The following ARK2N variants were observed in gnomAD, a reference collection of about 807,000 sequenced individuals.
ARK2N encodes the protein protein ARK2N.
At chr18:46,257,139 T>C in the ARK2N span, among the ~76,000 whole-genome samples, 1 of 152,220 alleles carries the variant, frequency 6.6e-6, no homozygotes, top group Non-Finnish European at 1.5e-5. Context: ...CCTGTTCTTA[T>C]TTTTTCTTTT....
At chr18:46,214,328 T>C in the ARK2N span, among the ~76,000 whole-genome samples, 2 of 152,170 alleles carry the variant, frequency 1.3e-5, no homozygotes, top group African/African-American at 4.8e-5. Context: ...CTGTGACCTA[T>C]GGACATGATA....
the ARK2N span, among the ~76,000 whole-genome samples, chr18:46,236,709 C>G: frequency 6.6e-6 from 1 of 152,152 alleles, no homozygotes; most frequent in Non-Finnish European, 1.5e-5. Flanking sequence ...AAAACAGTCT[C>G]TTTGTAGCAA....
the ARK2N span, chr18:46,174,168 C>T: frequency 6.6e-6 from 1 of 152,452 alleles, no homozygotes; most frequent in African/African-American, 2.4e-5. Flanking sequence ...GACCGCGACC[C>T]ACTGCTCGCT....
At chr18:46,246,268 A>G in the ARK2N span, among the ~76,000 whole-genome samples, 1 of 152,186 alleles carries the variant, frequency 6.6e-6, no homozygotes, top group Admixed American at 6.5e-5. Flanking sequence ...GGCAGAGCAG[A>G]AAAGGCCCAA....
the ARK2N span, among the ~76,000 whole-genome samples, chr18:46,223,736 A>C: frequency 6.6e-6 from 1 of 151,892 alleles, no homozygotes; most frequent in East Asian, 1.9e-4. Flanking sequence ...CTGAGCACCC[A>C]GTCCATTGGC....
the ARK2N span, among the ~76,000 whole-genome samples, chr18:46,206,627 G>A: frequency 2.0e-5 from 3 of 152,118 alleles, no homozygotes; most frequent in Admixed American, 6.6e-5. Context: ...TCACTCAGCT[G>A]AGTTGTTGGG....
the ARK2N span, chr18:46,240,310 T>A: frequency 9.6e-7 from 1 of 1,039,510 alleles, no homozygotes; most frequent in Non-Finnish European, 1.4e-6. Context: ...ATTGAATGAT[T>A]GGTTGTGACT....
At chr18:46,196,795 A>G in the ARK2N span, among the ~76,000 whole-genome samples, 2 of 152,164 alleles carry the variant, frequency 1.3e-5, no homozygotes, top group Non-Finnish European at 2.9e-5. Flanking sequence ...TGTAGACCTG[A>G]TGGGCTGGAG....
chr18:46,208,779 C>T, the ARK2N span, among the ~76,000 whole-genome samples: 1 of 152,020 alleles, frequency 6.6e-6, no homozygotes, highest in African/African-American at 2.4e-5. Flanking sequence ...GTTCTTAAAT[C>T]TTTTATGTGT....
At chr18:46,264,014 G>A in the ARK2N span, 24 of 152,380 alleles carry the variant, frequency 1.6e-4, no homozygotes, top group East Asian at 7.7e-4. Flanking sequence ...TTGCAAATCC[G>A]AGAGGAAAGT....
chr18:46,243,274 TAGTC>T, the ARK2N span, among the ~76,000 whole-genome samples: 1 of 152,220 alleles, frequency 6.6e-6, no homozygotes, highest in African/African-American at 2.4e-5. Flanking sequence ...CTTGGACTAT[TAGTC>T]AGATGGTCAT....
the ARK2N span, among the ~76,000 whole-genome samples, chr18:46,260,527 A>T: frequency 6.6e-6 from 1 of 152,200 alleles, no homozygotes; most frequent in Admixed American, 6.5e-5. Context: ...GGTTTTTGGT[A>T]ACTGGAACCA....
chr18:46,237,388 CTTTT>C, the ARK2N span, among the ~76,000 whole-genome samples: 9 of 127,936 alleles, frequency 7.0e-5, no homozygotes, highest in Non-Finnish European at 1.0e-4. Flanking sequence ...AGGCCAAGTG[CTTTT>C]TTTTTTTTTT....
the ARK2N span, chr18:46,219,203 T>C: frequency 6.6e-6 from 1 of 152,204 alleles, no homozygotes; most frequent in African/African-American, 2.4e-5. Flanking sequence ...CAGATGTTTA[T>C]GACGATTTTT....
chr18:46,208,515 G>GCTA, the ARK2N span, among the ~76,000 whole-genome samples: 7 of 137,620 alleles, frequency 5.1e-5, no homozygotes, highest in Non-Finnish European at 9.2e-5. Flanking sequence ...CTGTCACCAG[G>GCTA]CTAGAGTGCA....
chr18:46,197,698 A>T, the ARK2N span, among the ~76,000 whole-genome samples: 1 of 152,174 alleles, frequency 6.6e-6, no homozygotes. Flanking sequence ...CCCAACATAT[A>T]ATAGCCAGTT....
At chr18:46,208,401 T>C in the ARK2N span, among the ~76,000 whole-genome samples, 2 of 152,050 alleles carry the variant, frequency 1.3e-5, no homozygotes, top group African/African-American at 4.8e-5. Flanking sequence ...CTGTTTTGTG[T>C]ATTACAGATA....
At chr18:46,183,825 T>A in the ARK2N span, among the ~76,000 whole-genome samples, 6 of 152,124 alleles carry the variant, frequency 3.9e-5, no homozygotes, top group Non-Finnish European at 5.9e-5. Flanking sequence ...ACCAAATTTT[T>A]AAAAAAATTT....
chr18:46,237,151 C>T, the ARK2N span, among the ~76,000 whole-genome samples: 1 of 152,086 alleles, frequency 6.6e-6, no homozygotes, highest in Admixed American at 6.5e-5. Context: ...GTGTGAGCCA[C>T]CATGCTCAGT....
Sources: allele counts gnomAD v4.1 joint callset (sites outside exome capture counted in the v4.1 genomes callset), GRCh38; gene constraint gnomAD v4.1.1; transcripts MANE v1.5; gene names NCBI Gene and HGNC (gene_info 2026-07-23, HGNC 2026-07-21).